Variants in CYP2J2 observed in about 807,000 individuals in gnomAD.
CYP2J2 encodes cytochrome P450 2J2.
CYP2J2 carries 41 observed loss-of-function variants against 48.8 expected under a neutral mutation model. The observed-to-expected ratio is 0.84, with a 90% CI of 0.66 to 1.09. The LOEUF (loss-of-function observed/expected upper bound fraction) is 1.09. Ranked by LOEUF, CYP2J2 falls within the 50% of genes least tolerant of loss-of-function variation. The pLI, the probability that CYP2J2 is intolerant of heterozygous loss-of-function variation, is 0.00. For synonymous variants in CYP2J2, 221 were observed against 227.1 expected, an observed-to-expected ratio of 0.97 and a Z score of 0.24; for missense variants, 644 against 617.3, an observed-to-expected ratio of 1.04 and a Z score of -0.46.
the CYP2J2 span, among the ~76,000 whole-genome samples, chr1:59,953,421 AATG>A: frequency 6.6e-6 from 1 of 152,216 alleles, no homozygotes; most frequent in Non-Finnish European, 1.5e-5. Flanking sequence ...TAAATGAAAA[AATG>A]ATTATATGAT....
the CYP2J2 span, among the ~76,000 whole-genome samples, chr1:59,949,528 C>A: frequency 6.6e-6 from 1 of 151,992 alleles, no homozygotes; most frequent in Non-Finnish European, 1.5e-5. Flanking sequence ...TCATGGAGTT[C>A]AAAAAATGTT....
chr1:59,952,241 C>T, the CYP2J2 span, among the ~76,000 whole-genome samples: 2 of 151,840 alleles, frequency 1.3e-5, no homozygotes, highest in East Asian at 3.9e-4. Flanking sequence ...GGGACGCATG[C>T]CTAACATAGC....
chr1:59,930,250 C>A (rs193251999), upstream of CYP2J2, among the ~76,000 whole-genome samples: 14 of 152,218 alleles, frequency 9.2e-5, no homozygotes, highest in African/African-American at 2.2e-4. Context: ...GCTTTCAATT[C>A]TTTTGGGTGT....
the CYP2J2 span, among the ~76,000 whole-genome samples, chr1:59,943,160 T>C: frequency 1.3e-5 from 2 of 152,192 alleles, no homozygotes; most frequent in Non-Finnish European, 2.9e-5. Context: ...TCAGGTCTGA[T>C]GATTTAGGAA....
the CYP2J2 span, among the ~76,000 whole-genome samples, chr1:59,940,995 T>C: frequency 6.6e-6 from 1 of 152,024 alleles, no homozygotes; most frequent in Non-Finnish European, 1.5e-5. Context: ...TGTGTTTGGG[T>C]AAAAGGGATG....
chr1:59,935,045 T>TAC, the CYP2J2 span, among the ~76,000 whole-genome samples: 9 of 100,778 alleles, frequency 8.9e-5, no homozygotes, highest in Non-Finnish European at 1.7e-4. Context: ...TATATATATA[T>TAC]ATATATACAC....
At chr1:59,945,691 G>T in the CYP2J2 span, among the ~76,000 whole-genome samples, 4 of 152,092 alleles carry the variant, frequency 2.6e-5, no homozygotes, top group Non-Finnish European at 4.4e-5. Context: ...AGAATCAGCT[G>T]CTCTAGCCAA....
rs539580205 is a variant in CYP2J2, at chr1:59,912,087, T to C, written c.523+75A>G. 4.1e-6 allele frequency: 6 copies of C among 1,455,316 alleles called. No homozygotes were observed. The African/African-American group carries it at 7.1e-5, about 17-fold the overall frequency. The allele number at this position is 1,455,316 out of a possible 1,614,324, so 90.2% of individuals were successfully genotyped here. On this transcript the variant is annotated intron_variant, in intron 3 of 8. Transcript: ENST00000371204. ...ACAGTGCTGGGCATAGAACAAGCACTTACTCACTTAGTAAGTATCTGTCCA... is the reference window on the plus strand; with the variant it reads ...ACAGTGCTGGGCATAGAACAAGCACCTACTCACTTAGTAAGTATCTGTCCA...
Position 59,911,705 on chromosome 1 carries a change from G to T in CYP2J2, c.587C>A (p.Thr196Asn). ...CTGGTACTCAAAGCGTTCTCCGAAG[G>T]TGATGGAGCAAATGATATTGGAAAC... Reference protein sequence around the residue: ...NAVSNIICSITFGERFEYQDS... With the variant: ...NAVSNIICSINFGERFEYQDS... Residue 196 changes from threonine (T) to asparagine (N), a missense_variant, in exon 4 of 9, where the codon ACC becomes AAC. Thr to Asn is a moderately conservative substitution (Grantham distance 65). Coordinates refer to ENST00000371204, the MANE Select transcript of CYP2J2 (RefSeq NM_000775.4). The T allele has an allele frequency of 6.2e-7, 1 of 1,613,666 alleles. No individual in the cohort carries two copies. Among genetic ancestry groups the T allele is most frequent in the South Asian group, 1.1e-5 (1 of 91,032 alleles).
intron 6 of CYP2J2, 87 bp downstream of exon 6, chr1:59,907,699 A>G (rs897310642): frequency 7.7e-6 from 11 of 1,428,270 alleles, no homozygotes; most frequent in African/African-American, 5.7e-5. Context: ...TCATCCTACA[A>G]TGCTATCTTC....
chr1:59,905,084 A>AT, intron 6 of CYP2J2, 26 bp from the exon 7 acceptor site: 3 of 1,599,262 alleles, frequency 1.9e-6, no homozygotes, highest in Non-Finnish European at 2.6e-6. Context: ...GGGTTCTATT[A>AT]TTTTTTAAAC....
chr1:59,896,089 C>G (rs1339817099), intron 8 of CYP2J2, among the ~76,000 whole-genome samples: 1 of 152,136 alleles, frequency 6.6e-6, no homozygotes, highest in African/African-American at 2.4e-5. Context: ...ATAATACTTT[C>G]CCTTCCCCAG....
At chr1:59,902,383 A>T (rs953737353) in intron 7 of CYP2J2, among the ~76,000 whole-genome samples, 3 of 152,118 alleles carry the variant, frequency 2.0e-5, no homozygotes, top group Non-Finnish European at 4.4e-5. Context: ...TTAATATAAT[A>T]TTACTTCAAG....
At position 59,905,025 on chromosome 1, in the gene CYP2J2, C is replaced by A. The variant is rs762315003; in HGVS notation, c.1037G>T (p.Gly346Val). The part of the protein sequence containing the change: ...KVQAEIDRVI[G>V]QGQQPSTAAR... ...GGCTGTGCTCGGCTGCTGCCCCTGG[C>A]CAATCACTCTGTCAATCTCAGCTTG... Residue 346 changes from glycine (G) to valine (V), a missense_variant, in exon 7 of 9, where the codon GGC (glycine) becomes GTC (valine). Gly to Val is a moderately radical substitution (Grantham distance 109). Coordinates refer to ENST00000371204, the MANE Select transcript of CYP2J2 (RefSeq NM_000775.4). 1 of 1,613,720 alleles carries A rather than the reference C, an allele frequency of 6.2e-7. No homozygotes were observed. Among genetic ancestry groups the A allele is most frequent in the Non-Finnish European group, 8.5e-7 (1 of 1,179,880 alleles).
chr1:59,960,396 T>C, the CYP2J2 span, among the ~76,000 whole-genome samples: 1 of 152,184 alleles, frequency 6.6e-6, no homozygotes, highest in African/African-American at 2.4e-5. Context: ...CAGGAAAGTG[T>C]TAATTCCACG....
At chr1:59,957,479 T>C in the CYP2J2 span, among the ~76,000 whole-genome samples, 2 of 152,138 alleles carry the variant, frequency 1.3e-5, no homozygotes, top group Non-Finnish European at 2.9e-5. Context: ...ACAAGAGCTC[T>C]GAACTTGACA....
chr1:59,950,947 A>G, the CYP2J2 span, among the ~76,000 whole-genome samples: 1 of 151,730 alleles, frequency 6.6e-6, no homozygotes, highest in African/African-American at 2.4e-5. Context: ...TTAAGGCCTG[A>G]GCCTGGACCA....
At chr1:59,945,495 T>G in the CYP2J2 span, among the ~76,000 whole-genome samples, 251 of 152,274 alleles carry the variant, frequency 1.6e-3, 1 homozygote, top group African/African-American at 5.8e-3. Context: ...GTTAAAACTA[T>G]TTGGGGCCTC....
At chr1:59,969,192 G>T in the CYP2J2 span, among the ~76,000 whole-genome samples, 2 of 152,226 alleles carry the variant, frequency 1.3e-5, no homozygotes, top group Non-Finnish European at 2.9e-5. Context: ...TCCACAGTAT[G>T]AAAGGGGATC....
Sources: gnomAD v4.1 joint callset for allele counts (sites outside exome capture counted in the v4.1 genomes callset) on GRCh38, gnomAD v4.1.1 for gene constraint, MANE v1.5 for transcripts, NCBI Gene and HGNC (gene_info 2026-07-23, HGNC 2026-07-21) for gene names.